The following CNTNAP2 variants were observed in gnomAD, a reference collection of about 807,000 sequenced individuals.
CNTNAP2 encodes contactin-associated protein-like 2.
In CNTNAP2, 98 loss-of-function variants were observed where a neutral mutation model predicts 155.2. That is an observed-to-expected ratio of 0.63 (90% CI 0.54 to 0.75). The LOEUF (loss-of-function observed/expected upper bound fraction) is 0.75, where lower values mean the gene tolerates loss of function less well. Among genes scored for constraint, CNTNAP2 ranks in the 30% least tolerant of loss-of-function variants. The pLI is 0.00. For missense variants in CNTNAP2, 1,727 were observed against 1,688.1 expected (o/e 1.02, Z -0.40); for synonymous variants, 651 against 631.2 (o/e 1.03, Z -0.47).
chr7:146,814,037 G>T (rs1464033294), intron 2 of CNTNAP2, among the ~76,000 whole-genome samples: 1 of 152,134 alleles, frequency 6.6e-6, no homozygotes, highest in African/African-American at 2.4e-5. Context: ...AGAACTGTGA[G>T]TCAATTAAAC....
At position 148,237,184 on chromosome 7, in the gene CNTNAP2, G is replaced by A. The variant is rs570517963; in HGVS notation, c.3381+7405G>A. Among the ~76,000 whole-genome samples, 8 of 152,294 alleles carry A rather than the reference G, an allele frequency of 5.3e-5. 1 individual carries two copies. Among genetic ancestry groups the A allele is most frequent in the African/African-American group, 1.2e-4 (5 of 41,570 alleles). On this transcript the variant is annotated intron_variant, in intron 20 of 23. Coordinates refer to ENST00000361727, the MANE Select transcript of CNTNAP2 (RefSeq NM_014141.6). ...CCTTAAGATACCAATGTATGTATTC[G>A]TTAGGGTTGTATTCGCTGCTATAAC...
chr7:146,622,947 A>G (rs985962033), intron 1 of CNTNAP2, among the ~76,000 whole-genome samples: 1 of 147,220 alleles, frequency 6.8e-6, no homozygotes, highest in African/African-American at 2.5e-5. Context: ...ACAGAGCGAG[A>G]CTCCATCTCA....
intron 9 of CNTNAP2, among the ~76,000 whole-genome samples, chr7:147,367,086 G>A (rs1167210457): frequency 6.6e-6 from 1 of 152,104 alleles, no homozygotes; most frequent in Non-Finnish European, 1.5e-5. Context: ...GAGACCCGGT[G>A]TATACAAAAA....
intron 4 of CNTNAP2, chr7:147,081,583 TTGTGTGTGTGTGTGTGTGTGTG>T (rs5888236): frequency 3.9e-5 from 5 of 128,240 alleles, no homozygotes; most frequent in African/African-American, 1.5e-4. Flanking sequence ...CCCGGCTAAT[TTGTGTGTGTGTGTGTGTGTGTG>T]TGTGTGTGTG....
chr7:148,320,390 T>C lies in CNTNAP2; in HGVS notation c.3475+53264T>C, dbSNP rs905470885. Among the ~76,000 whole-genome samples, 4 of 139,038 alleles carry C rather than the reference T, an allele frequency of 2.9e-5. No homozygotes were observed. The Admixed American group carries it at 2.9e-4, about 10-fold the overall frequency. The allele number at this position is 139,038 out of a possible 152,430, so 91.2% of individuals were successfully genotyped here. A position where few individuals can be genotyped will look rare whatever the true frequency, so the allele number is the denominator to read the frequency against. On this transcript the variant is annotated intron_variant, in intron 21 of 23. Transcript: ENST00000361727. ...AATTTTTTTTTCTTTTTTTTTTTTT[T>C]TTTTTTTTTTTGAGATGGGGTCTCC... is the stretch of plus-strand genomic sequence containing the variant.
chr7:147,575,465 G>A (rs1396449371), intron 12 of CNTNAP2, among the ~76,000 whole-genome samples: 1 of 110,786 alleles, frequency 9.0e-6, no homozygotes, highest in Non-Finnish European at 1.8e-5. Flanking sequence ...TAGCTTTAGG[G>A]GTGTATATAT....
intron 1 of CNTNAP2, among the ~76,000 whole-genome samples, chr7:146,278,782 A>G (rs865943470): frequency 1.3e-5 from 2 of 152,212 alleles, no homozygotes; most frequent in African/African-American, 4.8e-5. Flanking sequence ...TGAAGATAAC[A>G]AAATTGAAGT....
At chr7:148,256,892 G>GTTAA (rs373288936) in intron 20 of CNTNAP2, among the ~76,000 whole-genome samples, 2,077 of 152,274 alleles carry the variant, frequency 0.014, 42 homozygotes, top group African/African-American at 0.046. Context: ...TAATACATTA[G>GTTAA]TTAATTAATT....
At chr7:146,566,344 C>T (rs1033824621) in intron 1 of CNTNAP2, among the ~76,000 whole-genome samples, 14 of 152,098 alleles carry the variant, frequency 9.2e-5, no homozygotes, top group East Asian at 1.9e-4. Flanking sequence ...TTATTTCATA[C>T]GAAAATAAAA....
intron 2 of CNTNAP2, among the ~76,000 whole-genome samples, chr7:146,813,967 G>T (rs1803117330): frequency 6.6e-6 from 1 of 152,104 alleles, no homozygotes; most frequent in Non-Finnish European, 1.5e-5. Context: ...TTGTGAAGAA[G>T]GATGTGTTTA....
chr7:148,309,530 T>C (rs1797554449), intron 21 of CNTNAP2, among the ~76,000 whole-genome samples: 3 of 151,954 alleles, frequency 2.0e-5, no homozygotes, highest in African/African-American at 2.4e-5. Flanking sequence ...CAAAGGGAGA[T>C]GGGGTGGGGC....
intron 1 of CNTNAP2, among the ~76,000 whole-genome samples, chr7:146,274,336 T>C (rs1265401385): frequency 1.3e-5 from 2 of 152,218 alleles, no homozygotes; most frequent in East Asian, 3.9e-4. Flanking sequence ...TGGAGCCCAG[T>C]GACTCGGAAG....
chr7:147,140,182 T>C (rs10276955), intron 8 of CNTNAP2, among the ~76,000 whole-genome samples: 62,843 of 151,840 alleles, frequency 0.41, 13,829 homozygotes, highest in East Asian at 0.64. Flanking sequence ...AAGATACTGA[T>C]GACCTGCCTA....
chr7:147,689,579 A>G (rs772595078), intron 13 of CNTNAP2, among the ~76,000 whole-genome samples: 1 of 152,096 alleles, frequency 6.6e-6, no homozygotes, highest in Non-Finnish European at 1.5e-5. Flanking sequence ...TAAAATCTTC[A>G]TTTGTTATTG....
chr7:146,913,642 G>A (rs1585154520), intron 3 of CNTNAP2, among the ~76,000 whole-genome samples: 1 of 151,930 alleles, frequency 6.6e-6, no homozygotes, highest in Admixed American at 6.6e-5. Flanking sequence ...GGATTCTAAG[G>A]TCTTAATCCC....
At chr7:147,033,147 CATATATATATATGTATATATATAT>C (rs1214817739) in intron 3 of CNTNAP2, among the ~76,000 whole-genome samples, 1 of 86,978 alleles carries the variant, frequency 1.1e-5, no homozygotes, top group Non-Finnish European at 2.2e-5. Flanking sequence ...GATATTGCTG[CATATATATATATGTATATATATAT>C]ATATATATAT....
intron 15 of CNTNAP2, among the ~76,000 whole-genome samples, chr7:148,004,005 G>A (rs924388683): frequency 2.2e-4 from 34 of 152,118 alleles, no homozygotes; most frequent in African/African-American, 8.0e-4. Context: ...AAGGATTTAT[G>A]TTAACTTACA....
intron 10 of CNTNAP2, among the ~76,000 whole-genome samples, chr7:147,465,348 A>G (rs1223509027): frequency 1.3e-5 from 2 of 152,030 alleles, no homozygotes; most frequent in African/African-American, 4.8e-5. Context: ...TTCATTTGAG[A>G]TTTCCCATCA....
chr7:147,969,695 A>G (rs1801296511), intron 14 of CNTNAP2, among the ~76,000 whole-genome samples: 2 of 152,156 alleles, frequency 1.3e-5, no homozygotes, highest in Admixed American at 6.5e-5. Context: ...TAAATACAAT[A>G]AACTAAAAAT....
Sources: gnomAD v4.1 joint callset for allele counts (sites outside exome capture counted in the v4.1 genomes callset) on GRCh38, gnomAD v4.1.1 for gene constraint, MANE v1.5 for transcripts, NCBI Gene and HGNC (gene_info 2026-07-23, HGNC 2026-07-21) for gene names.